The following COL25A1 variants were observed in gnomAD, a reference collection of about 807,000 sequenced individuals.
The protein encoded by COL25A1 is collagen alpha-1(XXV) chain.
Under a neutral mutation model 128.4 loss-of-function variants are expected in COL25A1, and 103 were observed. The observed-to-expected ratio is 0.80, with a 90% CI of 0.68 to 0.94. The LOEUF (loss-of-function observed/expected upper bound fraction) is 0.94. COL25A1 is among the 40% of genes least tolerant of loss of function. The pLI, the probability that COL25A1 is intolerant of heterozygous loss-of-function variation, is 0.00. For missense variants in COL25A1, 745 were observed against 840.0 expected (o/e 0.89, Z 1.40); for synonymous variants, 279 against 277.2 (o/e 1.01, Z -0.06).
At chr4:109,301,667 A>C (rs542239710) in intron 2 of COL25A1, 56 bp downstream of exon 2, 6 of 1,561,040 alleles carry the variant, frequency 3.8e-6, no homozygotes, top group Non-Finnish European at 5.2e-6. Flanking sequence ...TCATGCACAC[A>C]GAGTCACGCT....
intron 3 of COL25A1, among the ~76,000 whole-genome samples, chr4:109,144,269 C>T (rs1474885148): frequency 1.3e-5 from 2 of 152,168 alleles, no homozygotes; most frequent in African/African-American, 4.8e-5. Flanking sequence ...CTTCTGGAAG[C>T]TTCGTCCCAG....
Position 109,073,155 on chromosome 4 carries a change from G to C in COL25A1, c.368-22976C>G, listed in dbSNP as rs564973572. Among the ~76,000 whole-genome samples the C allele has an allele frequency of 9.9e-5, 15 of 152,226 alleles. 1 individual carries two copies. In the Middle Eastern group the frequency reaches 0.017, roughly 173 times the overall value. ...CATGTGTATGTGTGTGTGGGGGAGG[G>C]GCGCATGTGCATGGGTGTTTGGTGG... On this transcript the variant is annotated intron_variant, in intron 3 of 37. Transcript: ENST00000399132.
At chr4:109,089,687 C>T (rs1040870556) in intron 3 of COL25A1, among the ~76,000 whole-genome samples, 1 of 152,002 alleles carries the variant, frequency 6.6e-6, no homozygotes, top group Non-Finnish European at 1.5e-5. Context: ...CTCACTGAAA[C>T]CTCTGCCTCC....
chr4:109,175,274 T>C (rs1209903632), intron 3 of COL25A1, among the ~76,000 whole-genome samples: 1 of 152,174 alleles, frequency 6.6e-6, no homozygotes, highest in African/African-American at 2.4e-5. Context: ...ACAAAGCAAA[T>C]AGTTTGTGCC....
At chr4:109,136,433 A>T (rs1769773337) in intron 3 of COL25A1, among the ~76,000 whole-genome samples, 1 of 152,204 alleles carries the variant, frequency 6.6e-6, no homozygotes, top group African/African-American at 2.4e-5. Flanking sequence ...AAAGACCAAT[A>T]CATGCTATAA....
chr4:108,974,415 T>TA (rs775052151), intron 7 of COL25A1, 22 bp from the exon 8 acceptor site: 1 of 1,613,800 alleles, frequency 6.2e-7, no homozygotes, highest in African/African-American at 1.3e-5. Flanking sequence ...AAAGGTGAGA[T>TA]AACAGTTTTA....
At chr4:109,268,481 T>G (rs1781945204) in intron 3 of COL25A1, among the ~76,000 whole-genome samples, 1 of 152,104 alleles carries the variant, frequency 6.6e-6, no homozygotes, top group South Asian at 2.1e-4. Flanking sequence ...TTCTTCTGGG[T>G]AGATGAGCAG....
rs957624696 is a variant in COL25A1, at chr4:109,163,269, G to A, written c.368-113090C>T. ...CTTAGTGTGTTGATTTTCAACCTAC[G>A]TGGTCAAATCCAGCAAGGTTTAGAG... is the stretch of plus-strand genomic sequence containing the variant. On this transcript the variant is annotated intron_variant, in intron 3 of 37. Coordinates refer to ENST00000399132, the MANE Select transcript of COL25A1 (RefSeq NM_198721.4). Among the ~76,000 whole-genome samples the A allele has an allele frequency of 2.6e-5, 4 of 152,170 alleles. No individual in the cohort carries two copies. The East Asian group carries it at 5.8e-4, about 22-fold the overall frequency.
At chr4:109,226,491 C>T (rs1402721029) in intron 3 of COL25A1, among the ~76,000 whole-genome samples, 1 of 152,056 alleles carries the variant, frequency 6.6e-6, no homozygotes, top group Non-Finnish European at 1.5e-5. Context: ...TGTTCAATAT[C>T]AATCAAGGCT....
intron 3 of COL25A1, among the ~76,000 whole-genome samples, chr4:109,107,640 A>AT (rs1766570783): frequency 6.6e-6 from 1 of 152,198 alleles, no homozygotes; most frequent in East Asian, 1.9e-4. Flanking sequence ...TCATCATGTG[A>AT]TTTTACATAA....
chr4:109,300,740 C>T, intron 2 of COL25A1, 88 bp from the exon 3 acceptor site: 2 of 877,502 alleles, frequency 2.3e-6, no homozygotes, highest in Non-Finnish European at 1.9e-6. Context: ...GCCTGATTTA[C>T]CGGCATTTCA....
At chr4:108,823,292 T>C (rs561182435) in intron 35 of COL25A1, among the ~76,000 whole-genome samples, 1 of 152,222 alleles carries the variant, frequency 6.6e-6, no homozygotes, top group South Asian at 2.1e-4. Context: ...GCTTCTTTTG[T>C]TGTGTCCAGT....
At chr4:109,286,370 C>T (rs1173380628) in intron 3 of COL25A1, among the ~76,000 whole-genome samples, 1 of 152,122 alleles carries the variant, frequency 6.6e-6, no homozygotes, top group Non-Finnish European at 1.5e-5. Flanking sequence ...GAGGAAAGAA[C>T]AGCTTTGATA....
At position 108,898,985 on chromosome 4, in the gene COL25A1, A is replaced by ATATCTC. The variant is rs1560826221; in HGVS notation, c.861+168_861+169insGAGATA. On this transcript the variant is annotated intron_variant, in intron 15 of 37. Transcript: ENST00000399132. ...AAACACAGGAGTCATATCTATATCT[A>ATATCTC]TATATCTATATATCTATATATCTAT... is the stretch of plus-strand genomic sequence containing the variant. 1.3e-4 allele frequency among the ~76,000 whole-genome samples: 19 copies of ATATCTC among 146,322 alleles called. 1 individual carries two copies. Among genetic ancestry groups the ATATCTC allele is most frequent in the East Asian group, 7.8e-4 (4 of 5,146 alleles).
intron 3 of COL25A1, among the ~76,000 whole-genome samples, chr4:109,141,604 A>G (rs1446351450): frequency 6.6e-6 from 1 of 152,130 alleles, no homozygotes; most frequent in Non-Finnish European, 1.5e-5. Flanking sequence ...TACTGCTTCA[A>G]TTTCAGAACT....
chr4:109,138,016 T>G (rs1169077371), intron 3 of COL25A1, among the ~76,000 whole-genome samples: 8 of 65,980 alleles, frequency 1.2e-4, no homozygotes, highest in Non-Finnish European at 3.4e-4. Context: ...GTGTGTGTGT[T>G]GGGATACATG....
Position 108,849,752 on chromosome 4 carries a change from C to A in COL25A1, c.1390-949G>T, listed in dbSNP as rs142706670. The stretch of plus-strand genomic sequence containing the variant: ...GCCTGCCTCACAGACAGATTTCCAA[C>A]GGAGCTGACCTGAGGCTGTATTTTC... On this transcript the variant is annotated intron_variant, in intron 26 of 37. Transcript: ENST00000399132. Among the ~76,000 whole-genome samples, 947 of 152,274 alleles carry A rather than the reference C, an allele frequency of 6.2e-3. 27 individuals are homozygous for A. The highest frequency in any genetic ancestry group is 0.038 in the Admixed American group (575 of 15,286).
intron 5 of COL25A1, among the ~76,000 whole-genome samples, chr4:109,023,024 T>A (rs1757917358): frequency 6.6e-6 from 1 of 152,214 alleles, no homozygotes; most frequent in South Asian, 2.1e-4. Flanking sequence ...AAAGCCTGGA[T>A]ATCAGCATTG....
intron 3 of COL25A1, among the ~76,000 whole-genome samples, chr4:109,224,322 G>A (rs1176795799): frequency 6.6e-6 from 1 of 152,160 alleles, no homozygotes; most frequent in African/African-American, 2.4e-5. Flanking sequence ...TATATGGGTA[G>A]AACCCTTTAA....
Sources: gnomAD v4.1 joint callset for allele counts (sites outside exome capture counted in the v4.1 genomes callset) on GRCh38, gnomAD v4.1.1 for gene constraint, MANE v1.5 for transcripts, NCBI Gene and HGNC (gene_info 2026-07-23, HGNC 2026-07-21) for gene names.